Variants in ARHGAP26 observed in about 807,000 individuals in gnomAD.
The protein encoded by ARHGAP26 is Rho GTPase activating protein 26.
Under a neutral mutation model 104.8 loss-of-function variants are expected in ARHGAP26, and 38 were observed. The ratio of observed to expected loss-of-function variants is 0.36; its 90% CI spans 0.28 to 0.48. The LOEUF is 0.48. Among genes scored for constraint, ARHGAP26 ranks in the 20% least tolerant of loss-of-function variants. The pLI, the probability that ARHGAP26 is intolerant of heterozygous loss-of-function variation, is 0.99. For missense variants in ARHGAP26, 704 were observed against 947.9 expected, an observed-to-expected ratio of 0.74 and a Z score of 3.38; for synonymous variants, 341 against 340.0, an observed-to-expected ratio of 1.00 and a Z score of -0.03.
Position 142,980,233 on chromosome 5 carries a change from T to G in ARHGAP26, c.1108-33847T>G, listed in dbSNP as rs559279131. Among the ~76,000 whole-genome samples, 3 of 152,372 alleles carry G rather than the reference T, an allele frequency of 2.0e-5. No homozygotes were observed. The South Asian group carries it at 6.2e-4, about 32-fold the overall frequency. On this transcript the variant is annotated intron_variant, in intron 11 of 22. Coordinates refer to ENST00000645722, the MANE Select transcript of ARHGAP26 (RefSeq NM_001135608.3). Reference sequence around the variant, plus strand: ...TCCATGTTTCCATGTAGCAGTAGTTTGTTCTGATTGTTGTAGAAAGCATTT... The same window carrying G: ...TCCATGTTTCCATGTAGCAGTAGTTGGTTCTGATTGTTGTAGAAAGCATTT...
chr5:143,097,274 C>T (rs185371996), intron 17 of ARHGAP26, among the ~76,000 whole-genome samples: 20 of 143,548 alleles, frequency 1.4e-4, no homozygotes, highest in Admixed American at 1.2e-3. Context: ...GAACCTGGGA[C>T]GTGGAGGTTG....
At chr5:142,992,378 C>T (rs149113595) in intron 11 of ARHGAP26, among the ~76,000 whole-genome samples, 5 of 152,074 alleles carry the variant, frequency 3.3e-5, no homozygotes, top group Admixed American at 2.0e-4. Flanking sequence ...ATTCGAAAGG[C>T]TCCAAGATGA....
At chr5:142,847,929 T>C (rs1772354664) in intron 1 of ARHGAP26, among the ~76,000 whole-genome samples, 1 of 152,208 alleles carries the variant, frequency 6.6e-6, no homozygotes, top group East Asian at 1.9e-4. Context: ...TCAGGCATCC[T>C]GATTCAGAGC....
chr5:142,979,243 C>T (rs918031565), intron 11 of ARHGAP26, among the ~76,000 whole-genome samples: 2 of 152,148 alleles, frequency 1.3e-5, no homozygotes, highest in Non-Finnish European at 2.9e-5. Context: ...TACTTTCTGC[C>T]TCCTTAATAA....
chr5:142,856,734 G>C (rs1247671636), intron 1 of ARHGAP26, among the ~76,000 whole-genome samples: 1 of 152,096 alleles, frequency 6.6e-6, no homozygotes, highest in African/African-American at 2.4e-5. Context: ...ATTGTATTAG[G>C]TATTGTAAGT....
At chr5:143,148,124 C>T (rs1051462740) in intron 20 of ARHGAP26, among the ~76,000 whole-genome samples, 6 of 152,094 alleles carry the variant, frequency 3.9e-5, no homozygotes, top group East Asian at 3.9e-4. Flanking sequence ...AGGCCATGAC[C>T]GGAACAGTTG....
intron 1 of ARHGAP26, among the ~76,000 whole-genome samples, chr5:142,841,940 G>A (rs1235295591): frequency 6.6e-6 from 1 of 152,122 alleles, no homozygotes. Flanking sequence ...TTGGTTTAGG[G>A]GTTCATAGAC....
At chr5:142,950,858 A>G (rs1768221619) in intron 11 of ARHGAP26, among the ~76,000 whole-genome samples, 1 of 152,216 alleles carries the variant, frequency 6.6e-6, no homozygotes, top group African/African-American at 2.4e-5. Flanking sequence ...AAGAGAGCCC[A>G]TCTTGCTTGC....
At position 142,771,072 on chromosome 5, in the gene ARHGAP26, G is replaced by T. The variant is rs1327658572; in HGVS notation, c.154+157G>T. 36 of 1,372,178 alleles carry T rather than the reference G, an allele frequency of 2.6e-5. 1 individual carries two copies. In the Admixed American group the frequency reaches 9.4e-4, roughly 36 times the overall value. The allele number at this position is 1,372,178 out of a possible 1,614,324, so 85.0% of individuals were successfully genotyped here. A position where few individuals can be genotyped will look rare whatever the true frequency, so the allele number is the denominator to read the frequency against. ...CCGAGGCAGGAAGGATACGTAAAGC[G>T]GGCGAACCAGCAACCATCAGATGAA... On this transcript the variant is annotated intron_variant, in intron 1 of 22. Coordinates refer to ENST00000645722, the MANE Select transcript of ARHGAP26 (RefSeq NM_001135608.3).
chr5:142,999,928 AAAG>A (rs1490389496), intron 11 of ARHGAP26, among the ~76,000 whole-genome samples: 1 of 152,216 alleles, frequency 6.6e-6, no homozygotes, highest in Non-Finnish European at 1.5e-5. Flanking sequence ...TCAGTAATAA[AAAG>A]AAGAACCTAA....
At chr5:142,958,219 G>A (rs111409332) in intron 11 of ARHGAP26, among the ~76,000 whole-genome samples, 3,882 of 152,034 alleles carry the variant, frequency 0.026, 87 homozygotes, top group Admixed American at 0.061. Flanking sequence ...ACAAGTTTTA[G>A]GATTATGTTA....
chr5:143,196,343 T>G (rs1015093236), intron 20 of ARHGAP26, among the ~76,000 whole-genome samples: 4 of 152,180 alleles, frequency 2.6e-5, no homozygotes, highest in African/African-American at 9.7e-5. Flanking sequence ...AGTCCATTCT[T>G]GTTTTTCGCG....
chr5:143,009,392 G>A (rs553706511), intron 11 of ARHGAP26, among the ~76,000 whole-genome samples: 9 of 152,160 alleles, frequency 5.9e-5, no homozygotes, highest in Non-Finnish European at 1.0e-4. Context: ...GAGACAGACC[G>A]TGGGAGTTCC....
chr5:143,172,321 A>T (rs1429364946), intron 20 of ARHGAP26, among the ~76,000 whole-genome samples: 3 of 152,180 alleles, frequency 2.0e-5, no homozygotes, highest in Non-Finnish European at 2.9e-5. Context: ...ATACATGTAC[A>T]GTTGAGTAAA....
At chr5:142,821,870 A>T (rs1766265830) in intron 1 of ARHGAP26, among the ~76,000 whole-genome samples, 1 of 152,192 alleles carries the variant, frequency 6.6e-6, no homozygotes, top group African/African-American at 2.4e-5. Context: ...ATTGGTGCTC[A>T]GCTGCTTATA....
intron 22 of ARHGAP26, among the ~76,000 whole-genome samples, chr5:143,219,835 G>T (rs191732144): frequency 2.0e-5 from 3 of 152,346 alleles, no homozygotes; most frequent in Admixed American, 2.0e-4. Context: ...GTTTGAATAA[G>T]CATCCTGAGG....
intron 9 of ARHGAP26, among the ~76,000 whole-genome samples, chr5:142,912,908 T>C (rs1313739248): frequency 6.6e-6 from 1 of 152,164 alleles, no homozygotes; most frequent in Non-Finnish European, 1.5e-5. Context: ...TTATCAAACC[T>C]GCAAATTAAA....
At chr5:142,878,820 G>C (rs1268400828) in intron 3 of ARHGAP26, among the ~76,000 whole-genome samples, 1 of 152,108 alleles carries the variant, frequency 6.6e-6, no homozygotes, top group Admixed American at 6.5e-5. Context: ...GACCTGAGGG[G>C]TGAGCCCTGT....
intron 18 of ARHGAP26, among the ~76,000 whole-genome samples, chr5:143,128,305 T>G (rs2150855574): frequency 6.6e-6 from 1 of 152,324 alleles, no homozygotes; most frequent in East Asian, 1.9e-4. Context: ...TATCCATCTT[T>G]GTCAGCAAAG....
Sources: allele counts gnomAD v4.1 joint callset (sites outside exome capture counted in the v4.1 genomes callset), GRCh38; gene constraint gnomAD v4.1.1; transcripts MANE v1.5; gene names NCBI Gene and HGNC (gene_info 2026-07-23, HGNC 2026-07-21).